The following NECAB1 variants were observed in gnomAD, a reference collection of about 807,000 sequenced individuals.
NECAB1 encodes the protein N-terminal EF-hand calcium binding protein 1, also known as N-terminal EF-hand calcium-binding protein 1.
In NECAB1, 29 loss-of-function variants were observed where a neutral mutation model predicts 57.5. The observed-to-expected ratio is 0.50, with a 90% CI of 0.38 to 0.69. NECAB1 has a LOEUF of 0.69. Among genes scored for constraint, NECAB1 ranks in the 30% least tolerant of loss-of-function variants. NECAB1 has a pLI of 0.00. For synonymous variants in NECAB1, 142 were observed against 147.7 expected (o/e 0.96, Z 0.28); for missense variants, 372 against 413.8 (o/e 0.90, Z 0.88).
At chr8:90,908,420 G>A (rs1022703524) in intron 5 of NECAB1, among the ~76,000 whole-genome samples, 5 of 151,974 alleles carry the variant, frequency 3.3e-5, no homozygotes, top group Admixed American at 2.0e-4. Flanking sequence ...TTGGTTCTAC[G>A]TTACACTCCA....
chr8:90,885,840 C>T (rs1808971294), intron 5 of NECAB1, among the ~76,000 whole-genome samples: 1 of 152,108 alleles, frequency 6.6e-6, no homozygotes, highest in African/African-American at 2.4e-5. Context: ...TCAGCTGTGG[C>T]TCAGCAAAGG....
intron 10 of NECAB1, among the ~76,000 whole-genome samples, chr8:90,947,774 G>A (rs73298080): frequency 0.032 from 4,910 of 152,258 alleles, 254 homozygotes; most frequent in African/African-American, 0.11. Context: ...GTTGAGTATT[G>A]GAATCAAGGT....
At chr8:90,950,431 G>A (rs1260170472) in intron 11 of NECAB1, among the ~76,000 whole-genome samples, 2 of 151,996 alleles carry the variant, frequency 1.3e-5, no homozygotes, top group Non-Finnish European at 2.9e-5. Flanking sequence ...ATTACTAATA[G>A]CAAACAAACA....
chr8:90,818,657 T>C (rs1812096357), intron 2 of NECAB1, among the ~76,000 whole-genome samples: 1 of 152,050 alleles, frequency 6.6e-6, no homozygotes, highest in Admixed American at 6.6e-5. Context: ...TCTGTCTACA[T>C]TTCCTCTTTG....
chr8:90,872,482 T>C (rs1808638910), intron 4 of NECAB1: 1 of 203,480 alleles, frequency 4.9e-6, no homozygotes, highest in Admixed American at 6.0e-5. Context: ...CTCTGCATGA[T>C]ATATTGTGCA....
intron 6 of NECAB1, among the ~76,000 whole-genome samples, chr8:90,922,926 G>A (rs1431517462): frequency 6.6e-6 from 1 of 152,088 alleles, no homozygotes; most frequent in East Asian, 1.9e-4. Flanking sequence ...CTGGATAAAA[G>A]GAGGCATTAA....
At chr8:90,941,304 G>A (rs917427249) in intron 10 of NECAB1, among the ~76,000 whole-genome samples, 1 of 152,188 alleles carries the variant, frequency 6.6e-6, no homozygotes, top group African/African-American at 2.4e-5. Flanking sequence ...TTGGCAGTAC[G>A]CCCTGTGGCC....
Position 90,951,184 on chromosome 8 carries a change from C to A in NECAB1, c.1010C>A (p.Thr337Lys). Reference protein sequence around the residue: ...NVDFLETPELTSTMLVPASWW... With the variant: ...NVDFLETPELKSTMLVPASWW... ...GATTTCTTGGAAACTCCAGAACTCA[C>A]ATCTACAATGCTAGTTCCTGGTAAT... is the stretch of plus-strand genomic sequence containing the variant. The change falls in exon 12 of 13, where the codon ACA becomes AAA. Residue 337 changes from threonine (T) to lysine (K), a missense_variant. Thr to Lys is a moderately conservative substitution (Grantham distance 78). Transcript: ENST00000417640. 6.3e-7 allele frequency: 1 copy of A among 1,594,762 alleles called. No individual in the cohort carries two copies. The highest frequency in any genetic ancestry group is 8.6e-7 in the Non-Finnish European group (1 of 1,166,816).
intron 3 of NECAB1, among the ~76,000 whole-genome samples, chr8:90,855,011 A>G (rs1027211826): frequency 2.0e-5 from 3 of 152,310 alleles, no homozygotes; most frequent in East Asian, 3.9e-4. Context: ...CCTAATAGAC[A>G]GTGCCCTTTG....
chr8:90,841,862 C>T (rs1014292947), intron 3 of NECAB1, among the ~76,000 whole-genome samples: 1 of 152,174 alleles, frequency 6.6e-6, no homozygotes, highest in Non-Finnish European at 1.5e-5. Context: ...AATTTGGAGG[C>T]TTTAACAGTC....
intron 3 of NECAB1, among the ~76,000 whole-genome samples, chr8:90,870,018 G>C (rs1808593380): frequency 6.6e-6 from 1 of 152,134 alleles, no homozygotes; most frequent in Admixed American, 6.6e-5. Context: ...GTGATAGTGA[G>C]TAAGGTCTCA....
rs148205837 is a variant in NECAB1, at chr8:90,842,627, T to C, written c.233+17802T>C. ...TGCTGGGCTGTCTGGCCTGCCATTG[T>C]GCACCATTAGAGTTTTGTGACCACA... On this transcript the variant is annotated intron_variant, in intron 3 of 12. Coordinates refer to ENST00000417640, the MANE Select transcript of NECAB1 (RefSeq NM_022351.5). Among the ~76,000 whole-genome samples, 389 of 152,368 alleles carry C rather than the reference T, an allele frequency of 2.6e-3. 1 individual carries two copies. The highest frequency in any genetic ancestry group is 6.5e-3 in the Admixed American group (99 of 15,310).
chr8:90,953,696 A>C (rs986380754), intron 12 of NECAB1, among the ~76,000 whole-genome samples: 1 of 152,190 alleles, frequency 6.6e-6, no homozygotes, highest in Non-Finnish European at 1.5e-5. Flanking sequence ...TATGGGTTTT[A>C]ATGGCCATAT....
Position 90,886,474 on chromosome 8 carries a change from TTAGA to T in NECAB1, c.357+5347_357+5350del, listed in dbSNP as rs369207986. 2.4e-4 allele frequency among the ~76,000 whole-genome samples: 36 copies of T among 152,308 alleles called. No individual in the cohort carries two copies. In the East Asian group the frequency reaches 5.0e-3, roughly 21 times the overall value. On this transcript the variant is annotated intron_variant, in intron 5 of 12. Transcript: ENST00000417640. The stretch of plus-strand genomic sequence containing the variant: ...ACACGTTATCTTAATTCTTGTATAC[TTAGA>T]TATATTTGAAAATGTAAAAGTGCAG...
At chr8:90,827,518 T>G (rs1812244144) in intron 3 of NECAB1, among the ~76,000 whole-genome samples, 1 of 152,020 alleles carries the variant, frequency 6.6e-6, no homozygotes, top group Non-Finnish European at 1.5e-5. Context: ...ATTCTGTTCC[T>G]TGTGAAAGAA....
At chr8:90,853,074 C>A (rs1347582473) in intron 3 of NECAB1, among the ~76,000 whole-genome samples, 3 of 152,226 alleles carry the variant, frequency 2.0e-5, no homozygotes, top group Admixed American at 6.5e-5. Flanking sequence ...TCAAAGGCAG[C>A]CCCCTTGAGG....
chr8:90,876,991 C>G (rs1290069128), intron 4 of NECAB1, among the ~76,000 whole-genome samples: 1 of 152,186 alleles, frequency 6.6e-6, no homozygotes, highest in Non-Finnish European at 1.5e-5. Context: ...AATATTTGTT[C>G]CAAGTCATTC....
chr8:90,922,485 G>GTTTTTTTTTTTTTTTTTTTTTTTTTT, intron 6 of NECAB1, among the ~76,000 whole-genome samples: 1 of 65,214 alleles, frequency 1.5e-5, no homozygotes, highest in South Asian at 4.2e-4. Flanking sequence ...CAAAAACTTG[G>GTTTTTTTTTTTTTTTTTTTTTTTTTT]ATTTTTTTTT....
chr8:90,807,888 G>T (rs1206022040), intron 2 of NECAB1, among the ~76,000 whole-genome samples: 1 of 152,170 alleles, frequency 6.6e-6, no homozygotes, highest in African/African-American at 2.4e-5. Flanking sequence ...CCCTAGCAAT[G>T]ACCTTATTGC....
Sources: allele counts gnomAD v4.1 joint callset (sites outside exome capture counted in the v4.1 genomes callset), GRCh38; gene constraint gnomAD v4.1.1; transcripts MANE v1.5; gene names NCBI Gene and HGNC (gene_info 2026-07-23, HGNC 2026-07-21).